Variants in ARHGAP15 observed in about 807,000 individuals in gnomAD.
ARHGAP15 encodes the protein rho GTPase-activating protein 15.
ARHGAP15 carries 51 observed loss-of-function variants against 63.7 expected under a neutral mutation model. The ratio of observed to expected loss-of-function variants is 0.80; its 90% CI spans 0.64 to 1.01. ARHGAP15 has a LOEUF of 1.01. Ranked by LOEUF, ARHGAP15 falls within the 50% of genes least tolerant of loss-of-function variation. The pLI is 0.00. For missense variants in ARHGAP15, 560 were observed against 564.6 expected (o/e 0.99, Z 0.08); for synonymous variants, 191 against 193.8 (o/e 0.99, Z 0.12).
intron 6 of ARHGAP15, among the ~76,000 whole-genome samples, chr2:143,402,064 T>G (rs1334210273): frequency 6.6e-6 from 1 of 151,888 alleles, no homozygotes; most frequent in East Asian, 1.9e-4. Context: ...CAGATTGGAC[T>G]AAAGCAAGCC....
intron 9 of ARHGAP15, among the ~76,000 whole-genome samples, chr2:143,494,482 A>G (rs1274810253): frequency 6.6e-6 from 1 of 152,224 alleles, no homozygotes; most frequent in Non-Finnish European, 1.5e-5. Flanking sequence ...AAATAGGAAA[A>G]GTAGATATTT....
At chr2:143,321,517 C>T (rs909830429) in intron 6 of ARHGAP15, among the ~76,000 whole-genome samples, 1 of 152,228 alleles carries the variant, frequency 6.6e-6, no homozygotes, top group African/African-American at 2.4e-5. Flanking sequence ...GAGGGCTGTT[C>T]ACTGGCCTTG....
chr2:143,601,190 T>C lies in ARHGAP15; in HGVS notation c.1004-22943T>C, dbSNP rs144114738. Among the ~76,000 whole-genome samples the C allele has an allele frequency of 1.1e-4, 17 of 152,236 alleles. No individual in the cohort carries two copies. The East Asian group carries it at 3.1e-3, about 28-fold the overall frequency. On this transcript the variant is annotated intron_variant, in intron 11 of 13. Transcript: ENST00000295095. ...CACTTACTCTCCAAACACTGTTCAATTTCTCTTCATACTTTTTTTTACAAT... is the reference window on the plus strand; with the variant it reads ...CACTTACTCTCCAAACACTGTTCAACTTCTCTTCATACTTTTTTTTACAAT...
chr2:143,290,474 C>G (rs1682337270), intron 6 of ARHGAP15, among the ~76,000 whole-genome samples: 2 of 151,934 alleles, frequency 1.3e-5, no homozygotes, highest in South Asian at 4.2e-4. Context: ...CCCATTGATG[C>G]ATGCCAGAAT....
At chr2:143,471,477 A>G (rs1691574030) in intron 8 of ARHGAP15, among the ~76,000 whole-genome samples, 1 of 152,090 alleles carries the variant, frequency 6.6e-6, no homozygotes, top group Non-Finnish European at 1.5e-5. Flanking sequence ...TAAAAGAAGT[A>G]AAATACATAT....
At chr2:143,395,103 C>T (rs757979539) in intron 6 of ARHGAP15, among the ~76,000 whole-genome samples, 19 of 151,780 alleles carry the variant, frequency 1.3e-4, no homozygotes, top group Admixed American at 3.3e-4. Flanking sequence ...GATTATAAAA[C>T]GTGAATAATA....
At chr2:143,244,751 A>G (rs1163232507) in intron 5 of ARHGAP15, among the ~76,000 whole-genome samples, 1 of 152,176 alleles carries the variant, frequency 6.6e-6, no homozygotes, top group Non-Finnish European at 1.5e-5. Flanking sequence ...GAACGAAAAA[A>G]GGTCAAAATA....
chr2:143,329,706 A>T (rs908826453), intron 6 of ARHGAP15, among the ~76,000 whole-genome samples: 6 of 152,164 alleles, frequency 3.9e-5, no homozygotes, highest in African/African-American at 2.4e-5. Context: ...TATCCAATGC[A>T]CTATAAAACT....
chr2:143,313,863 G>A (rs1479845909), intron 6 of ARHGAP15, among the ~76,000 whole-genome samples: 2 of 152,028 alleles, frequency 1.3e-5, no homozygotes, highest in African/African-American at 4.8e-5. Flanking sequence ...TAACATTCAT[G>A]CTGTTGTACT....
chr2:143,585,166 C>T (rs1697063233), intron 11 of ARHGAP15, among the ~76,000 whole-genome samples: 1 of 152,126 alleles, frequency 6.6e-6, no homozygotes, highest in Non-Finnish European at 1.5e-5. Flanking sequence ...ATTTTCTCAG[C>T]TCCATGCCGT....
At chr2:143,158,009 A>T (rs706633) in intron 2 of ARHGAP15, among the ~76,000 whole-genome samples, 2 of 151,544 alleles carry the variant, frequency 1.3e-5, no homozygotes, top group East Asian at 3.9e-4. Context: ...GAGATCATAC[A>T]TATGTCATGC....
At chr2:143,292,646 AT>A (rs550239386) in intron 6 of ARHGAP15, among the ~76,000 whole-genome samples, 89 of 152,106 alleles carry the variant, frequency 5.9e-4, no homozygotes, top group African/African-American at 1.9e-3. Flanking sequence ...AGAAAGGTTG[AT>A]TTTTTTCATA....
At chr2:143,335,602 A>G (rs1241313459) in intron 6 of ARHGAP15, among the ~76,000 whole-genome samples, 2 of 152,232 alleles carry the variant, frequency 1.3e-5, no homozygotes, top group South Asian at 4.1e-4. Context: ...TCTTCTATTC[A>G]TTCAGTATAT....
intron 2 of ARHGAP15, among the ~76,000 whole-genome samples, chr2:143,177,123 G>A (rs891003529): frequency 6.6e-6 from 1 of 152,222 alleles, no homozygotes; most frequent in Non-Finnish European, 1.5e-5. Context: ...TATTGTGAAT[G>A]ACTTGGAAAA....
At chr2:143,235,817 C>A (rs185208801) in intron 5 of ARHGAP15, 124 of 1,060,788 alleles carry the variant, frequency 1.2e-4, no homozygotes, top group Admixed American at 1.4e-4. Context: ...TCTTCTCAGG[C>A]CTTGACTCAC....
At chr2:143,267,907 A>C (rs1451649321) in intron 6 of ARHGAP15, among the ~76,000 whole-genome samples, 3 of 152,148 alleles carry the variant, frequency 2.0e-5, no homozygotes, top group Non-Finnish European at 4.4e-5. Context: ...ATGTATACTA[A>C]AGTGATAATA....
chr2:143,727,870 T>C (rs1252457645), intron 13 of ARHGAP15, among the ~76,000 whole-genome samples: 2 of 152,362 alleles, frequency 1.3e-5, no homozygotes, highest in East Asian at 3.9e-4. Flanking sequence ...TCATTCAATA[T>C]GTTAACATAT....
intron 6 of ARHGAP15, among the ~76,000 whole-genome samples, chr2:143,335,742 C>T (rs1249128367): frequency 2.0e-5 from 3 of 151,980 alleles, no homozygotes; most frequent in South Asian, 4.2e-4. Flanking sequence ...CAGATGAAAC[C>T]GTAGAGTCCC....
intron 13 of ARHGAP15, among the ~76,000 whole-genome samples, chr2:143,730,083 G>A (rs755275063): frequency 2.0e-5 from 3 of 152,162 alleles, no homozygotes; most frequent in Admixed American, 6.5e-5. Context: ...TCTAATGAAT[G>A]GCTTTCAAAG....
Sources: gnomAD v4.1 joint callset for allele counts (sites outside exome capture counted in the v4.1 genomes callset) on GRCh38, gnomAD v4.1.1 for gene constraint, MANE v1.5 for transcripts, NCBI Gene and HGNC (gene_info 2026-07-23, HGNC 2026-07-21) for gene names.